Variants in SLC5A9 observed in about 807,000 individuals in gnomAD.
The protein encoded by SLC5A9 is sodium/glucose cotransporter 4.
Under a neutral mutation model 70.9 loss-of-function variants are expected in SLC5A9, and 59 were observed. The observed-to-expected ratio is 0.83, with a 90% CI of 0.68 to 1.03. The LOEUF (loss-of-function observed/expected upper bound fraction) is 1.03. Among genes scored for constraint, SLC5A9 ranks in the 50% least tolerant of loss-of-function variants. The pLI, the probability that SLC5A9 is intolerant of heterozygous loss-of-function variation, is 0.00. For synonymous variants in SLC5A9, 340 were observed against 346.5 expected (o/e 0.98, Z 0.21); for missense variants, 832 against 881.1 (o/e 0.94, Z 0.71).
rs200586919 is a variant in SLC5A9, at chr1:48,228,927, C to G, written c.312C>G (p.Gly104=). Residue 104 remains glycine, a synonymous_variant, in exon 3 of 14, where the codon GGC becomes GGG. Coordinates refer to ENST00000438567, the MANE Select transcript of SLC5A9 (RefSeq NM_001011547.3). ...TGGCTGGGACAGGGGCTGCCGGAGGCCTTGCCGTAGGTGGCTTCGAGTGGA... is the reference window on the plus strand; with the variant it reads ...TGGCTGGGACAGGGGCTGCCGGAGGGCTTGCCGTAGGTGGCTTCGAGTGGA... The part of the protein sequence containing the change: ...IGLAGTGAAG[G]LAVGGFEWNA... 2,597 of 1,613,442 alleles carry G rather than the reference C, an allele frequency of 1.6e-3. 2 individuals are homozygous for G. The highest frequency in any genetic ancestry group is 2.0e-3 in the Non-Finnish European group (2,379 of 1,180,008).
intron 2 of SLC5A9, 147 bp from the exon 3 acceptor site, chr1:48,228,703 C>A: frequency 7.6e-7 from 1 of 1,309,010 alleles, no homozygotes; most frequent in Non-Finnish European, 1.0e-6. Context: ...CTGCGGATAT[C>A]TGTGGAATTA....
chr1:48,233,271 G>A (rs1169340780), intron 8 of SLC5A9, among the ~76,000 whole-genome samples: 1 of 141,556 alleles, frequency 7.1e-6, no homozygotes, highest in African/African-American at 2.7e-5. Flanking sequence ...TGAGGCAGGA[G>A]AATCACTTGA....
intron 4 of SLC5A9, 34 bp from the exon 5 acceptor site, chr1:48,230,566 G>A (rs370297285): frequency 3.0e-5 from 46 of 1,525,338 alleles, no homozygotes; most frequent in Admixed American, 5.0e-5. Flanking sequence ...AGGGCCTCGG[G>A]TGGTCTGGCC....
chr1:48,229,343 A>G lies in SLC5A9; in HGVS notation c.388A>G (p.Ile130Val), dbSNP rs1331481395. ...ALGWVFVPVY[I>V]AAGVVTMPQY... Reference sequence around the variant, plus strand: ...TGGCTGGGTCTTCGTCCCTGTGTACATCGCAGCAGGTGTGGTCACAATGCC... The same window carrying G: ...TGGCTGGGTCTTCGTCCCTGTGTACGTCGCAGCAGGTGTGGTCACAATGCC... Residue 130 changes from isoleucine to valine, a missense_variant, in exon 4 of 14, where the codon ATC becomes GTC. Transcript: ENST00000438567. 1.9e-6 allele frequency: 3 copies of G among 1,614,042 alleles called. No individual in the cohort carries two copies. In the Admixed American group the frequency reaches 5.0e-5, roughly 27 times the overall value.
chr1:48,230,060 T>C (rs1236265041), intron 4 of SLC5A9, among the ~76,000 whole-genome samples: 1 of 152,224 alleles, frequency 6.6e-6, no homozygotes, highest in African/African-American at 2.4e-5. Flanking sequence ...CCACCAATAT[T>C]TGAGAACATC....
intron 6 of SLC5A9, 46 bp from the exon 7 acceptor site, chr1:48,231,900 G>T (rs1386068979): frequency 6.2e-7 from 1 of 1,610,390 alleles, no homozygotes; most frequent in Admixed American, 1.7e-5. Context: ...CTGAGTGACA[G>T]GCTCAGTGGG....
chr1:48,230,735 G>T, intron 5 of SLC5A9, 30 bp downstream of exon 5: 1 of 1,534,780 alleles, frequency 6.5e-7, no homozygotes. Flanking sequence ...CAAGAGGAAA[G>T]CTTCTGACTG....
At chr1:48,244,446 A>G in intron 13 of SLC5A9, among the ~76,000 whole-genome samples, 1 of 152,058 alleles carries the variant, frequency 6.6e-6, no homozygotes, top group East Asian at 1.9e-4. Flanking sequence ...ATTCTAGAGA[A>G]ACAGCCACTT....
At position 48,244,878 on chromosome 1, in the gene SLC5A9, G is replaced by GTGTGTATATATATATATATATATA. The variant is rs1391896495; in HGVS notation, c.1837+2263_1837+2264insGTGTATATATATATATATATATAT. 7.0e-3 allele frequency among the ~76,000 whole-genome samples: 206 copies of GTGTGTATATATATATATATATATA among 29,396 alleles called. 67 individuals carry two copies. The highest frequency in any genetic ancestry group is 0.013 in the Non-Finnish European group (163 of 13,028). The allele number at this position is 29,396 out of a possible 152,430, so 19.3% of individuals were successfully genotyped here. On this transcript the variant is annotated intron_variant, in intron 13 of 13. Transcript: ENST00000438567. Reference sequence around the variant, plus strand: ...TGTGTGTGTGTATGTATGTGTATGTGTATATATATATATATATATATATAT... The same window carrying GTGTGTATATATATATATATATATA: ...TGTGTGTGTGTATGTATGTGTATGTGTGTGTATATATATATATATATATATATATATATATATATATATATATAT...
At chr1:48,223,511 A>G (rs528395523) in intron 1 of SLC5A9, among the ~76,000 whole-genome samples, 205 of 152,270 alleles carry the variant, frequency 1.3e-3, no homozygotes, top group African/African-American at 4.7e-3. Flanking sequence ...CAGGTGAACA[A>G]TGAGAATAAG....
chr1:48,237,361 T>TGGGGGGGGGGG (rs71853018), intron 10 of SLC5A9, among the ~76,000 whole-genome samples: 1 of 95,576 alleles, frequency 1.0e-5, no homozygotes, highest in African/African-American at 3.9e-5. Flanking sequence ...TTGACTGGGG[T>TGGGGGGGGGGG]GGGGGGTGGG....
intron 11 of SLC5A9, among the ~76,000 whole-genome samples, chr1:48,238,093 G>A (rs1644352035): frequency 6.6e-6 from 1 of 152,198 alleles, no homozygotes; most frequent in Non-Finnish European, 1.5e-5. Context: ...CTGGCAGAGA[G>A]ATAACTGAAT....
intron 11 of SLC5A9, chr1:48,238,284 G>A (rs761940646): frequency 6.7e-5 from 11 of 164,688 alleles, no homozygotes; most frequent in Middle Eastern, 2.9e-3. Context: ...GTGTGTGAAC[G>A]TGCAAGAGAG....
chr1:48,235,579 CTG>C, intron 9 of SLC5A9, 148 bp from the exon 10 acceptor site: 1 of 845,336 alleles, frequency 1.2e-6, no homozygotes, highest in Non-Finnish European at 1.8e-6. Flanking sequence ...GATTTCTTAT[CTG>C]TGCTGGATGG....
chr1:48,223,045 G>T, intron 1 of SLC5A9, 147 bp downstream of exon 1: 1 of 828,678 alleles, frequency 1.2e-6, no homozygotes, highest in Non-Finnish European at 1.9e-6. Context: ...CAGGAATCAG[G>T]CTCCTGATCT....
At chr1:48,227,535 T>G (rs978545054) in intron 2 of SLC5A9, among the ~76,000 whole-genome samples, 3 of 150,126 alleles carry the variant, frequency 2.0e-5, no homozygotes, top group Non-Finnish European at 4.4e-5. Flanking sequence ...GTGTGTGTAC[T>G]GTGCCTGTGT....
chr1:48,242,683 C>T lies in SLC5A9; in HGVS notation c.1837+67C>T, dbSNP rs532849439. The T allele has an allele frequency of 2.2e-5, 31 of 1,436,282 alleles. No individual in the cohort carries two copies. The East Asian group carries it at 2.5e-4, about 11-fold the overall frequency. 89.0% of individuals were successfully genotyped at this position (1,436,282 alleles called of 1,614,324 possible). A position where few individuals can be genotyped will look rare whatever the true frequency, so the allele number is the denominator to read the frequency against. ...AGGGGGGACAGACCTATGTCATGGG[C>T]GGTCTTTGGGATGGGGACTCTGAGG... On this transcript the variant is annotated intron_variant, in intron 13 of 13. Transcript: ENST00000438567.
At chr1:48,235,554 A>C (rs1398444626) in intron 9 of SLC5A9, among the ~76,000 whole-genome samples, 175 bp from the exon 10 acceptor site, 1 of 152,118 alleles carries the variant, frequency 6.6e-6, no homozygotes, top group African/African-American at 2.4e-5. Context: ...CCCAGCCTCT[A>C]GTTCTGTGGT....
chr1:48,227,412 G>A (rs1333770638), intron 2 of SLC5A9, among the ~76,000 whole-genome samples: 14 of 138,598 alleles, frequency 1.0e-4, no homozygotes, highest in Admixed American at 9.0e-4. Context: ...CTGTGTGGGC[G>A]TGAGTGCATG....
Sources: gnomAD v4.1 joint callset for allele counts (sites outside exome capture counted in the v4.1 genomes callset) on GRCh38, gnomAD v4.1.1 for gene constraint, MANE v1.5 for transcripts, NCBI Gene and HGNC (gene_info 2026-07-23, HGNC 2026-07-21) for gene names.